The following GRM3 variants were observed in gnomAD, a reference collection of about 807,000 sequenced individuals.
The protein encoded by GRM3 is metabotropic glutamate receptor 3.
In GRM3, 26 loss-of-function variants were observed where a neutral mutation model predicts 70.5. The ratio of observed to expected loss-of-function variants is 0.37; its 90% CI spans 0.27 to 0.51. The LOEUF is 0.51. Among genes scored for constraint, GRM3 ranks in the 20% least tolerant of loss-of-function variants. The pLI is 0.93. For missense variants in GRM3, 859 were observed against 1,123.8 expected (o/e 0.76, Z 3.37); for synonymous variants, 443 against 434.9 (o/e 1.02, Z -0.23).
rs191247752 is a variant in GRM3, at chr7:86,689,367, G to C, written c.-141+44495G>C. ...TATTCTACAATTAGTCCCATTTTCA[G>C]ACAAATGTTATCCTATTGTAAGATT... On this transcript the variant is annotated intron_variant, in intron 1 of 5. Coordinates refer to ENST00000361669, the MANE Select transcript of GRM3 (RefSeq NM_000840.3). Among the ~76,000 whole-genome samples, 485 of 151,988 alleles carry C rather than the reference G, an allele frequency of 3.2e-3. 5 individuals are homozygous for C. Among genetic ancestry groups the C allele is most frequent in the African/African-American group, 0.011 (472 of 41,508 alleles).
Position 86,786,439 on chromosome 7 carries a change from T to G in GRM3, c.647T>G (p.Val216Gly). 2 of 1,614,192 alleles carry G rather than the reference T, an allele frequency of 1.2e-6. No homozygotes were observed. Among genetic ancestry groups the G allele is most frequent in the Non-Finnish European group, 1.7e-6 (2 of 1,180,014 alleles). Residue 216 changes from valine (V) to glycine (G), a missense_variant, in exon 3 of 6, where the codon GTA becomes GGA. Coordinates refer to ENST00000361669, the MANE Select transcript of GRM3 (RefSeq NM_000840.3). This position sits in a 1 kb window ranked among gnomAD's most constrained non-coding sequence, Gnocchi z 6.0. ...TTCAACTGGACCTACGTGTCCACAG[T>G]AGCCTCCGAGGGTGATTACGGGGAG... ...RFFNWTYVSTVASEGDYGETG... is the reference protein window; with the variant it reads ...RFFNWTYVSTGASEGDYGETG...
intron 5 of GRM3, among the ~76,000 whole-genome samples, chr7:86,857,208 C>T (rs1046314106): frequency 1.3e-5 from 2 of 151,214 alleles, no homozygotes; most frequent in African/African-American, 2.4e-5. Context: ...AGCATGGGTA[C>T]AGACTCGTTC....
At chr7:86,753,150 C>T (rs919077300) in intron 1 of GRM3, among the ~76,000 whole-genome samples, 2 of 152,142 alleles carry the variant, frequency 1.3e-5, no homozygotes, top group African/African-American at 4.8e-5. Context: ...AGGCAGAATG[C>T]TAGCTGATGG....
At chr7:86,828,887 C>A (rs1233695208) in intron 3 of GRM3, among the ~76,000 whole-genome samples, 1 of 152,214 alleles carries the variant, frequency 6.6e-6, no homozygotes, top group Non-Finnish European at 1.5e-5. Flanking sequence ...TCAAATCCTG[C>A]CACTGCTTTA....
chr7:86,677,122 G>GC (rs1794325983), intron 1 of GRM3, among the ~76,000 whole-genome samples: 1 of 151,762 alleles, frequency 6.6e-6, no homozygotes, highest in African/African-American at 2.4e-5. Context: ...CTATCTACCT[G>GC]CTTTATTATC....
At chr7:86,748,728 A>G (rs1169237769) in intron 1 of GRM3, among the ~76,000 whole-genome samples, 1 of 152,030 alleles carries the variant, frequency 6.6e-6, no homozygotes, top group African/African-American at 2.4e-5. Flanking sequence ...TATTACATTA[A>G]AAGGTATACT....
chr7:86,682,074 T>G (rs1794455201), intron 1 of GRM3, among the ~76,000 whole-genome samples: 1 of 152,196 alleles, frequency 6.6e-6, no homozygotes, highest in Admixed American at 6.5e-5. Context: ...ATGGAGAGGT[T>G]AAACAATTCT....
intron 1 of GRM3, 87 bp downstream of exon 1, chr7:86,644,959 C>G: frequency 1.5e-6 from 1 of 657,028 alleles, no homozygotes; most frequent in Non-Finnish European, 2.3e-6. Context: ...CAGGCGCAGC[C>G]GGGAAAGTTG....
intron 1 of GRM3, among the ~76,000 whole-genome samples, chr7:86,699,923 G>A (rs76444189): frequency 5.3e-5 from 8 of 151,890 alleles, no homozygotes; most frequent in Admixed American, 6.6e-5. Flanking sequence ...TGATAATTTT[G>A]AGAGATCTTA....
chr7:86,694,248 G>A (rs749296768), intron 1 of GRM3, among the ~76,000 whole-genome samples: 8 of 152,026 alleles, frequency 5.3e-5, no homozygotes, highest in Admixed American at 1.3e-4. Context: ...GAGAAAGGCC[G>A]GGCGTGGTGG....
At chr7:86,789,179 A>G (rs1376485875) in intron 3 of GRM3, among the ~76,000 whole-genome samples, 2 of 152,200 alleles carry the variant, frequency 1.3e-5, no homozygotes, top group Non-Finnish European at 2.9e-5. Flanking sequence ...ATTACCAGTC[A>G]TTCTCCATCT....
At chr7:86,842,462 T>C (rs1333447137) in intron 4 of GRM3, among the ~76,000 whole-genome samples, 1 of 152,202 alleles carries the variant, frequency 6.6e-6, no homozygotes, top group Non-Finnish European at 1.5e-5. Context: ...CACTGATCTC[T>C]GAATTCTCAC....
At chr7:86,841,563 G>A (rs1584274998) in intron 4 of GRM3, among the ~76,000 whole-genome samples, 1 of 151,710 alleles carries the variant, frequency 6.6e-6, no homozygotes, top group Admixed American at 6.6e-5. Context: ...AAGTTTTTAG[G>A]AAGCCACTGT....
At chr7:86,676,360 T>C (rs888368177) in intron 1 of GRM3, among the ~76,000 whole-genome samples, 11 of 151,874 alleles carry the variant, frequency 7.2e-5, no homozygotes, top group Admixed American at 2.0e-4. Context: ...CTGAATACCA[T>C]GAAAAACAAT....
At chr7:86,756,161 C>T (rs1403507777) in intron 1 of GRM3, among the ~76,000 whole-genome samples, 1 of 152,176 alleles carries the variant, frequency 6.6e-6, no homozygotes, top group East Asian at 1.9e-4. Flanking sequence ...TCACTGCAAC[C>T]TCCTCCTCCT....
At chr7:86,760,285 G>A (rs545051924) in intron 1 of GRM3, among the ~76,000 whole-genome samples, 13 of 152,152 alleles carry the variant, frequency 8.5e-5, no homozygotes, top group African/African-American at 2.4e-4. Flanking sequence ...GTACAGAAAT[G>A]CTTTCAGTTC....
intron 1 of GRM3, among the ~76,000 whole-genome samples, chr7:86,701,965 A>C (rs1225346024): frequency 6.6e-6 from 1 of 152,008 alleles, no homozygotes; most frequent in Non-Finnish European, 1.5e-5. Flanking sequence ...AGACACTGAC[A>C]AGCAGAGAGA....
At chr7:86,746,193 GT>G (rs1796097396) in intron 1 of GRM3, among the ~76,000 whole-genome samples, 1 of 150,876 alleles carries the variant, frequency 6.6e-6, no homozygotes, top group Non-Finnish European at 1.5e-5. Flanking sequence ...TCTTTATTTT[GT>G]GAGTACTTTG....
At chr7:86,651,243 G>A (rs1793598240) in intron 1 of GRM3, among the ~76,000 whole-genome samples, 1 of 152,150 alleles carries the variant, frequency 6.6e-6, no homozygotes, top group Admixed American at 6.6e-5. Flanking sequence ...ATCTTTACTT[G>A]AGGGTCTTTC....
Sources: gnomAD v4.1 joint callset for allele counts (sites outside exome capture counted in the v4.1 genomes callset) on GRCh38, gnomAD v4.1.1 for gene constraint, Gnocchi (gnomAD v3.1) non-coding constraint, MANE v1.5 for transcripts, NCBI Gene and HGNC (gene_info 2026-07-23, HGNC 2026-07-21) for gene names.